CNTN5: variants seen among roughly 807,000 people sequenced by gnomAD.
CNTN5 encodes contactin-5.
A neutral mutation model predicts 129.1 loss-of-function variants in CNTN5; 77 were observed. That is an observed-to-expected ratio of 0.60 (90% CI 0.50 to 0.72). The LOEUF is 0.72. Ranked by LOEUF, CNTN5 falls within the 30% of genes least tolerant of loss-of-function variation. The probability of loss-of-function intolerance (pLI) is 0.00; values close to 1 mark genes in which losing one functional copy is unlikely to be tolerated. For synonymous variants in CNTN5, 509 were observed against 465.6 expected (o/e 1.09, Z -1.20); for missense variants, 1,478 against 1,328.8 (o/e 1.11, Z -1.75).
intron 15 of CNTN5, among the ~76,000 whole-genome samples, chr11:100,213,816 A>G (rs74443111): frequency 0.013 from 1,918 of 152,252 alleles, 44 homozygotes; most frequent in African/African-American, 0.043. Flanking sequence ...GTATTTTTGA[A>G]GTTGATGAGA....
intron 1 of CNTN5, among the ~76,000 whole-genome samples, chr11:99,293,560 T>C (rs568896104): frequency 6.6e-6 from 1 of 152,264 alleles, no homozygotes; most frequent in South Asian, 2.1e-4. Flanking sequence ...AGGCTTTTCT[T>C]TGATGGGAGA....
intron 9 of CNTN5, among the ~76,000 whole-genome samples, chr11:100,028,207 A>AT (rs1477724738): frequency 7.2e-5 from 11 of 152,198 alleles, no homozygotes; most frequent in African/African-American, 2.7e-4. Flanking sequence ...TAAAAAAAAA[A>AT]TCTGCTGGAT....
intron 2 of CNTN5, among the ~76,000 whole-genome samples, chr11:99,356,589 A>G (rs1233089691): frequency 6.6e-6 from 1 of 152,168 alleles, no homozygotes; most frequent in Admixed American, 6.5e-5. Context: ...CAAACACTTA[A>G]CTGGAAGAAG....
chr11:99,568,104 ATATT>A (rs970764163), intron 3 of CNTN5, among the ~76,000 whole-genome samples: 3 of 152,214 alleles, frequency 2.0e-5, no homozygotes, highest in Non-Finnish European at 2.9e-5. Flanking sequence ...ACATTAGAAA[ATATT>A]TATTGAAAAA....
chr11:99,095,275 A>T (rs1014043456), intron 1 of CNTN5, among the ~76,000 whole-genome samples: 1 of 151,978 alleles, frequency 6.6e-6, no homozygotes, highest in African/African-American at 2.4e-5. Context: ...GTTGTCATGT[A>T]GGATCATCCA....
chr11:99,506,880 G>A (rs1946642993), intron 2 of CNTN5, among the ~76,000 whole-genome samples: 1 of 151,916 alleles, frequency 6.6e-6, no homozygotes, highest in Non-Finnish European at 1.5e-5. Context: ...AATTTAATGA[G>A]AACAACCTGA....
intron 1 of CNTN5, among the ~76,000 whole-genome samples, chr11:99,293,618 T>G (rs1210183594): frequency 1.3e-5 from 2 of 152,110 alleles, no homozygotes; most frequent in African/African-American, 2.4e-5. Flanking sequence ...TCTGTTCAAG[T>G]TTTCTATTTT....
intron 2 of CNTN5, among the ~76,000 whole-genome samples, chr11:99,496,770 T>C (rs895792012): frequency 2.0e-5 from 3 of 152,230 alleles, no homozygotes; most frequent in Admixed American, 2.0e-4. Flanking sequence ...AGGTGGTAAG[T>C]AACTGGGGTT....
chr11:100,043,109 C>G (rs750040110), intron 9 of CNTN5, among the ~76,000 whole-genome samples: 1 of 152,106 alleles, frequency 6.6e-6, no homozygotes, highest in Admixed American at 6.6e-5. Flanking sequence ...TAATTTTAAG[C>G]AAATTAAAAT....
chr11:99,835,478 A>C (rs1372765313), intron 4 of CNTN5, among the ~76,000 whole-genome samples: 1 of 152,156 alleles, frequency 6.6e-6, no homozygotes, highest in Admixed American at 6.6e-5. Context: ...GTGGCTTGAA[A>C]GCTGTCAGCA....
chr11:100,052,242 C>A (rs919582268), intron 9 of CNTN5, among the ~76,000 whole-genome samples: 2 of 151,796 alleles, frequency 1.3e-5, no homozygotes, highest in African/African-American at 4.8e-5. Context: ...AGGAAAAATA[C>A]ACCTACAAAA....
chr11:100,326,348 C>G (rs1951786725), intron 21 of CNTN5, among the ~76,000 whole-genome samples: 1 of 151,908 alleles, frequency 6.6e-6, no homozygotes, highest in Non-Finnish European at 1.5e-5. Flanking sequence ...AACAAAGCAA[C>G]AAGGAAAAAA....
chr11:99,633,727 GA>G (rs551287680), intron 3 of CNTN5, among the ~76,000 whole-genome samples: 162 of 152,268 alleles, frequency 1.1e-3, no homozygotes, highest in African/African-American at 3.7e-3. Context: ...TCCTGATCAG[GA>G]AAAGTGCAGC....
intron 3 of CNTN5, among the ~76,000 whole-genome samples, chr11:99,561,796 TATG>T (rs1248713088): frequency 6.6e-6 from 1 of 152,280 alleles, no homozygotes; most frequent in African/African-American, 2.4e-5. Flanking sequence ...ACTAAGGAGA[TATG>T]ATAACTAAAT....
intron 7 of CNTN5, among the ~76,000 whole-genome samples, chr11:99,941,802 G>C (rs1950444918): frequency 6.6e-6 from 1 of 152,076 alleles, no homozygotes; most frequent in Non-Finnish European, 1.5e-5. Flanking sequence ...AGCAGGGCCA[G>C]TGTGGCTAGG....
At chr11:99,064,802 A>G (rs1865034452) in intron 1 of CNTN5, among the ~76,000 whole-genome samples, 1 of 152,046 alleles carries the variant, frequency 6.6e-6, no homozygotes, top group Non-Finnish European at 1.5e-5. Flanking sequence ...CTTACTTAAA[A>G]TATTCTTGTA....
chr11:100,164,905 A>T (rs991552360), intron 13 of CNTN5, among the ~76,000 whole-genome samples: 1 of 151,862 alleles, frequency 6.6e-6, no homozygotes, highest in Non-Finnish European at 1.5e-5. Context: ...ACACTTTTTA[A>T]AAATCAAGGG....
At chr11:99,449,713 C>T (rs1019333654) in intron 2 of CNTN5, among the ~76,000 whole-genome samples, 1 of 152,120 alleles carries the variant, frequency 6.6e-6, no homozygotes, top group Admixed American at 6.6e-5. Context: ...ATGTGTGGGT[C>T]TCTCTTTATC....
At chr11:99,584,316 A>T (rs141233957) in intron 3 of CNTN5, among the ~76,000 whole-genome samples, 13 of 152,316 alleles carry the variant, frequency 8.5e-5, no homozygotes, top group Non-Finnish European at 7.3e-5. Context: ...AGCTCACCAT[A>T]CTTATTCACA....
Sources: gnomAD v4.1 joint callset for allele counts (sites outside exome capture counted in the v4.1 genomes callset) on GRCh38, gnomAD v4.1.1 for gene constraint, MANE v1.5 for transcripts, NCBI Gene and HGNC (gene_info 2026-07-23, HGNC 2026-07-21) for gene names.